The following VPS53 variants were observed in gnomAD, a reference collection of about 807,000 sequenced individuals.
VPS53 encodes VPS53 subunit of GARP complex.
A neutral mutation model predicts 107.0 loss-of-function variants in VPS53; 70 were observed. The observed-to-expected ratio is 0.65, with a 90% confidence interval of 0.54 to 0.80. VPS53 has a LOEUF of 0.80. VPS53 is among the 30% of genes least tolerant of loss of function. VPS53 has a pLI of 0.00. For missense variants in VPS53, 917 were observed against 1,049.4 expected (o/e 0.87, Z 1.74); for synonymous variants, 409 against 393.3 (o/e 1.04, Z -0.47).
intron 13 of VPS53, among the ~76,000 whole-genome samples, chr17:577,611 T>C (rs775060608): frequency 3.7e-5 from 5 of 136,516 alleles, no homozygotes; most frequent in Non-Finnish European, 7.9e-5. Flanking sequence ...GAACTTCCTT[T>C]AGGACCTCAA....
Position 597,612 on chromosome 17 carries a change from G to A in VPS53, c.1218+4183C>T, listed in dbSNP as rs368688838. Among the ~76,000 whole-genome samples, 491 of 152,174 alleles carry A rather than the reference G, an allele frequency of 3.2e-3. 1 individual carries two copies. The Middle Eastern group carries it at 0.058, about 18-fold the overall frequency. On this transcript the variant is annotated intron_variant, in intron 12 of 21. Coordinates refer to ENST00000437048, the MANE Select transcript of VPS53 (RefSeq NM_001128159.3). ...GGCTATAGTGCAATGGCGTGATCTC[G>A]GCTCACTGTAACCTCCGCCTCCCAA...
intron 9 of VPS53, among the ~76,000 whole-genome samples, 171 bp from the exon 10 acceptor site, chr17:627,487 G>A (rs1477286891): frequency 1.3e-5 from 2 of 152,134 alleles, no homozygotes; most frequent in East Asian, 1.9e-4. Flanking sequence ...TAAAAATTCA[G>A]AGGTTTTTGG....
chr17:633,700 C>T (rs577237672), intron 7 of VPS53, among the ~76,000 whole-genome samples: 6 of 152,302 alleles, frequency 3.9e-5, no homozygotes, highest in African/African-American at 1.4e-4. Flanking sequence ...CAGAATGATC[C>T]AGACGAGGCT....
At chr17:651,846 C>G (rs1361704615) in intron 7 of VPS53, among the ~76,000 whole-genome samples, 1 of 152,178 alleles carries the variant, frequency 6.6e-6, no homozygotes, top group Non-Finnish European at 1.5e-5. Context: ...TCCTCCTCGT[C>G]CTCCCTTGGA....
chr17:627,982 C>G, intron 9 of VPS53, 106 bp downstream of exon 9: 2 of 1,165,712 alleles, frequency 1.7e-6, no homozygotes, highest in Non-Finnish European at 2.4e-6. Flanking sequence ...ACAACCAACA[C>G]TGTCAGACAG....
intron 11 of VPS53, among the ~76,000 whole-genome samples, chr17:606,396 G>T (rs1464679014): frequency 6.6e-6 from 1 of 152,138 alleles, no homozygotes; most frequent in Non-Finnish European, 1.5e-5. Flanking sequence ...AATGTGAAGG[G>T]ATAGGAATAC....
At chr17:546,955 A>G (rs1370210858) in intron 17 of VPS53, among the ~76,000 whole-genome samples, 1 of 144,186 alleles carries the variant, frequency 6.9e-6, no homozygotes, top group African/African-American at 2.6e-5. Context: ...GCTCACTGCA[A>G]TCTCCACCTC....
intron 4 of VPS53, among the ~76,000 whole-genome samples, chr17:694,691 G>GT (rs1322264601): frequency 6.6e-6 from 1 of 152,154 alleles, no homozygotes; most frequent in African/African-American, 2.4e-5. Context: ...ATGATAAAAT[G>GT]TTTTTGTTTA....
chr17:528,595 C>CAT (rs1909292270), intron 19 of VPS53, among the ~76,000 whole-genome samples: 1 of 101,274 alleles, frequency 9.9e-6, no homozygotes. Flanking sequence ...TTTTTCAATT[C>CAT]TTTTTTTTTT....
chr17:657,383 A>C lies in VPS53; in HGVS notation c.373-1430T>G, dbSNP rs2143547739. On this transcript the variant is annotated intron_variant, in intron 5 of 21. Coordinates refer to ENST00000437048, the MANE Select transcript of VPS53 (RefSeq NM_001128159.3). Reference sequence around the variant, plus strand: ...CGATCTTAATGAACCGCTGCATGCAAATCTTCTTAAGTCTGTTCCTTAGGA... The same window carrying C: ...CGATCTTAATGAACCGCTGCATGCACATCTTCTTAAGTCTGTTCCTTAGGA... 3 of 796,754 alleles carry C rather than the reference A, an allele frequency of 3.8e-6. No homozygotes were observed. In the East Asian group the frequency reaches 7.3e-5, roughly 19 times the overall value. The allele number at this position is 796,754 out of a possible 1,614,324, so 49.4% of individuals were successfully genotyped here.
At position 679,012 on chromosome 17, in the gene VPS53, G is replaced by A. The variant is rs1485161196; in HGVS notation, c.286-17117C>T. 6.6e-5 allele frequency among the ~76,000 whole-genome samples: 10 copies of A among 152,180 alleles called. No homozygotes were observed. The East Asian group carries it at 1.5e-3, about 24-fold the overall frequency. On this transcript the variant is annotated intron_variant, in intron 4 of 21. Transcript: ENST00000437048. ...TCAGAGAAAAGCCGTACCTTTAAGC[G>A]CTCTTCTTACATAACAAGAAGTAGA...
intron 4 of VPS53, among the ~76,000 whole-genome samples, chr17:687,680 G>A (rs1972637815): frequency 6.6e-6 from 1 of 152,062 alleles, no homozygotes; most frequent in South Asian, 2.1e-4. Context: ...TGAGGGCGCA[G>A]CGAGCTGTGA....
rs115321348 is a variant in VPS53, at chr17:699,360, T to C, written c.189A>G (p.Glu63=). 1.7e-4 allele frequency: 260 copies of C among 1,574,110 alleles called. 1 individual carries two copies. The African/African-American group carries it at 3.2e-3, about 20-fold the overall frequency. Residue 63 remains glutamate, a synonymous_variant, in exon 3 of 22, where the codon GAA becomes GAG. Transcript: ENST00000437048. ...TTTTCAGCCTAATTTTGTTCACGACTTCGTCTATGTTCGCCAGAGACTACA... is the reference window on the plus strand; with the variant it reads ...TTTTCAGCCTAATTTTGTTCACGACCTCGTCTATGTTCGCCAGAGACTACA... The part of the protein sequence containing the change: ...PTEQSLANID[E]VVNKIRLKIR...
At chr17:551,346 T>C (rs1387875858) in intron 17 of VPS53, among the ~76,000 whole-genome samples, 1 of 152,046 alleles carries the variant, frequency 6.6e-6, no homozygotes, top group Non-Finnish European at 1.5e-5. Flanking sequence ...GTGGGAAGAC[T>C]GCTTGACGCC....
intron 19 of VPS53, among the ~76,000 whole-genome samples, chr17:526,212 C>A (rs1357066335): frequency 6.6e-6 from 1 of 151,552 alleles, no homozygotes; most frequent in African/African-American, 2.4e-5. Context: ...TCTTAGCATT[C>A]ATTTGTTGGT....
intron 13 of VPS53, among the ~76,000 whole-genome samples, chr17:570,232 C>T (rs1243718467): frequency 6.6e-6 from 1 of 151,424 alleles, no homozygotes; most frequent in Non-Finnish European, 1.5e-5. Flanking sequence ...TAGCTGGGTG[C>T]AGTGGCGGGT....
At chr17:591,057 C>A (rs1181436939) in intron 12 of VPS53, among the ~76,000 whole-genome samples, 1 of 152,024 alleles carries the variant, frequency 6.6e-6, no homozygotes, top group South Asian at 2.1e-4. Flanking sequence ...AATTTCAGCT[C>A]CTGTTATTGG....
intron 17 of VPS53, among the ~76,000 whole-genome samples, chr17:551,197 G>C (rs982953392): frequency 3.3e-5 from 5 of 151,936 alleles, no homozygotes; most frequent in Non-Finnish European, 7.4e-5. Context: ...ATTCATTTGG[G>C]AAAAAAAGGC....
At chr17:646,853 T>C (rs1463835207) in intron 7 of VPS53, among the ~76,000 whole-genome samples, 123 of 80,810 alleles carry the variant, frequency 1.5e-3, no homozygotes, top group South Asian at 2.3e-3. Flanking sequence ...TTCTAATCCA[T>C]ATCACGGACT....
Sources: allele counts gnomAD v4.1 joint callset (sites outside exome capture counted in the v4.1 genomes callset), GRCh38; gene constraint gnomAD v4.1.1; transcripts MANE v1.5; gene names NCBI Gene and HGNC (gene_info 2026-07-23, HGNC 2026-07-21).